Variants in SDK1 observed in about 807,000 individuals in gnomAD.
SDK1 encodes the protein protein sidekick-1.
Under a neutral mutation model 245.5 loss-of-function variants are expected in SDK1, and 157 were observed. The ratio of observed to expected loss-of-function variants is 0.64; its 90% CI spans 0.56 to 0.73. The LOEUF is 0.73. SDK1 is among the 30% of genes least tolerant of loss of function. The pLI, the probability that SDK1 is intolerant of heterozygous loss-of-function variation, is 0.00. For missense variants in SDK1, 3,583 were observed against 3,002.3 expected (o/e 1.19, Z -4.52); for synonymous variants, 1,647 against 1,278.5 (o/e 1.29, Z -6.15).
intron 22 of SDK1, among the ~76,000 whole-genome samples, chr7:4,104,647 G>C (rs911211462): frequency 3.9e-5 from 6 of 152,172 alleles, no homozygotes; most frequent in African/African-American, 1.4e-4. Flanking sequence ...ATTAATGAGT[G>C]AAATAAATCT....
Position 3,494,489 on chromosome 7 carries a change from T to C in SDK1, c.299-124591T>C, listed in dbSNP as rs996298337. Among the ~76,000 whole-genome samples the C allele has an allele frequency of 8.5e-5, 13 of 152,096 alleles. 1 individual carries two copies. Among genetic ancestry groups the C allele is most frequent in the Admixed American group, 8.5e-4 (13 of 15,248 alleles). On this transcript the variant is annotated intron_variant, in intron 1 of 44. Coordinates refer to ENST00000404826, the MANE Select transcript of SDK1 (RefSeq NM_152744.4). Reference sequence around the variant, plus strand: ...AGAAATTACAGATTTGTGAAAGAATTTTTTTTGTTTTCATTTTCTGAGAAA... The same window carrying C: ...AGAAATTACAGATTTGTGAAAGAATCTTTTTTGTTTTCATTTTCTGAGAAA...
At chr7:3,837,994 C>A (rs1780064369) in intron 5 of SDK1, among the ~76,000 whole-genome samples, 1 of 152,190 alleles carries the variant, frequency 6.6e-6, no homozygotes, top group African/African-American at 2.4e-5. Flanking sequence ...CCCTTGAGAG[C>A]CCTTGCACAT....
At chr7:3,818,257 C>G (rs1307432024) in intron 4 of SDK1, among the ~76,000 whole-genome samples, 4 of 152,156 alleles carry the variant, frequency 2.6e-5, no homozygotes, top group East Asian at 1.9e-4. Context: ...TGTAATTTTT[C>G]TATGAAGTCA....
intron 5 of SDK1, among the ~76,000 whole-genome samples, chr7:3,924,608 A>T (rs1779705722): frequency 6.6e-6 from 1 of 152,124 alleles, no homozygotes; most frequent in Admixed American, 6.5e-5. Flanking sequence ...AGTGTTTGGG[A>T]CATTTCGCCA....
At position 4,146,741 on chromosome 7, in the gene SDK1, G is replaced by A. The variant is rs530071769; in HGVS notation, c.4423+825G>A. 1.7e-4 allele frequency among the ~76,000 whole-genome samples: 26 copies of A among 152,334 alleles called. 1 individual carries two copies. The highest frequency in any genetic ancestry group is 6.2e-4 in the South Asian group (3 of 4,824). ...GCCTTCCCAATGAGAACTGCCGGGC[G>A]AGCAGGGCTCTGCTCCACGCACGGA... On this transcript the variant is annotated intron_variant, in intron 29 of 44. Transcript: ENST00000404826.
At position 4,267,539 on chromosome 7, in the gene SDK1, A is replaced by C. The variant is rs1788544590; in HGVS notation, c.*2155A>C. 2 of 985,480 alleles carry C rather than the reference A, an allele frequency of 2.0e-6. No individual in the cohort carries two copies. The highest frequency in any genetic ancestry group is 2.4e-6 in the Non-Finnish European group (2 of 829,958). The allele number at this position is 985,480 out of a possible 1,614,324, so 61.0% of individuals were successfully genotyped here. On this transcript the variant is annotated 3_prime_UTR_variant, in exon 45 of 45. Transcript: ENST00000404826. The stretch of plus-strand genomic sequence containing the variant: ...GTGGGCGGGAAGCCAGGATGTGAGC[A>C]CTGGAATTTCTTGGAAGAGAAGCGA...
intron 4 of SDK1, among the ~76,000 whole-genome samples, chr7:3,762,448 G>C (rs182826327): frequency 1.2e-3 from 180 of 152,294 alleles, no homozygotes; most frequent in African/African-American, 4.2e-3. Context: ...CAAAAAACTA[G>C]TACTTCATTT....
chr7:3,362,622 A>C (rs1162207097), intron 1 of SDK1, among the ~76,000 whole-genome samples: 1 of 152,196 alleles, frequency 6.6e-6, no homozygotes, highest in Non-Finnish European at 1.5e-5. Context: ...CAAGATTTAA[A>C]ATTAATTTTG....
intron 1 of SDK1, among the ~76,000 whole-genome samples, chr7:3,486,600 T>G (rs1449037343): frequency 6.6e-6 from 1 of 152,136 alleles, no homozygotes; most frequent in African/African-American, 2.4e-5. Context: ...GTGCGCTTTA[T>G]TTGTTATGTA....
intron 1 of SDK1, among the ~76,000 whole-genome samples, chr7:3,576,682 A>G (rs1780302395): frequency 6.6e-6 from 1 of 152,044 alleles, no homozygotes; most frequent in South Asian, 2.1e-4. Flanking sequence ...TGACTTATGC[A>G]TGGTGTGTAT....
intron 4 of SDK1, among the ~76,000 whole-genome samples, chr7:3,676,625 C>G (rs1021228706): frequency 1.3e-5 from 2 of 152,130 alleles, no homozygotes; most frequent in African/African-American, 2.4e-5. Flanking sequence ...ACGCCTTGCC[C>G]TCTTCTAATA....
At chr7:3,755,136 C>A (rs1779882758) in intron 4 of SDK1, among the ~76,000 whole-genome samples, 1 of 152,174 alleles carries the variant, frequency 6.6e-6, no homozygotes, top group African/African-American at 2.4e-5. Flanking sequence ...GGTGGGAAAG[C>A]TTCCAAGTGA....
rs149480829 is a variant in SDK1 at position 4,265,101 on chromosome 7, A to T, written c.6382-23A>T. 39 of 1,604,884 alleles carry T rather than the reference A, an allele frequency of 2.4e-5. 1 individual carries two copies. The African/African-American group carries it at 4.1e-4, about 17-fold the overall frequency. ...GCCCTGCGCCCTGCCCTGCACTCAC[A>T]CCTTCTCTCCCGCTCCCCGCAGGCC... On this transcript the variant is annotated intron_variant, in intron 44 of 44. Coordinates refer to ENST00000404826, the MANE Select transcript of SDK1 (RefSeq NM_152744.4).
intron 4 of SDK1, among the ~76,000 whole-genome samples, chr7:3,687,156 A>G (rs1031214559): frequency 8.1e-5 from 12 of 147,372 alleles, no homozygotes; most frequent in Admixed American, 2.8e-4. Flanking sequence ...ATGTTCACAC[A>G]AAAGTCTGTA....
chr7:3,324,816 T>C (rs1272736201), intron 1 of SDK1, among the ~76,000 whole-genome samples: 1 of 152,172 alleles, frequency 6.6e-6, no homozygotes, highest in South Asian at 2.1e-4. Flanking sequence ...ATTAAACCTA[T>C]GCCCAGGAAA....
At chr7:3,481,678 C>G (rs1188078115) in intron 1 of SDK1, among the ~76,000 whole-genome samples, 1 of 152,232 alleles carries the variant, frequency 6.6e-6, no homozygotes, top group Non-Finnish European at 1.5e-5. Flanking sequence ...CGGCTCGTGT[C>G]AGGGACCCTG....
intron 4 of SDK1, among the ~76,000 whole-genome samples, chr7:3,722,002 G>A (rs997134894): frequency 3.3e-5 from 5 of 152,032 alleles, no homozygotes; most frequent in Non-Finnish European, 5.9e-5. Flanking sequence ...CAGTGGCAAC[G>A]ATCATGCCTC....
At chr7:3,980,922 A>G (rs1783351331) in intron 13 of SDK1, among the ~76,000 whole-genome samples, 1 of 150,964 alleles carries the variant, frequency 6.6e-6, no homozygotes, top group Non-Finnish European at 1.5e-5. Context: ...CCTGAGCTAC[A>G]GAGCGAGACT....
At chr7:3,965,311 G>A (rs1782004685) in intron 9 of SDK1, among the ~76,000 whole-genome samples, 2 of 152,076 alleles carry the variant, frequency 1.3e-5, no homozygotes, top group Admixed American at 1.3e-4. Context: ...GTTTCTCTCA[G>A]CCTCAGTTTT....
Sources: gnomAD v4.1 joint callset for allele counts (sites outside exome capture counted in the v4.1 genomes callset) on GRCh38, gnomAD v4.1.1 for gene constraint, MANE v1.5 for transcripts, NCBI Gene and HGNC (gene_info 2026-07-23, HGNC 2026-07-21) for gene names.